Variants in MGAT4C observed in about 807,000 individuals in gnomAD.
MGAT4C encodes alpha-1,3-mannosyl-glycoprotein 4-beta-N-acetylglucosaminyltransferase C.
In MGAT4C, 19 loss-of-function variants were observed where a neutral mutation model predicts 40.1. That is an observed-to-expected ratio of 0.47 (90% CI 0.33 to 0.70). The LOEUF is 0.70. MGAT4C is among the 30% of genes least tolerant of loss of function. The pLI, the probability that MGAT4C is intolerant of heterozygous loss-of-function variation, is 0.02. For synonymous variants in MGAT4C, 181 were observed against 187.1 expected (o/e 0.97, Z 0.27); for missense variants, 491 against 563.2 (o/e 0.87, Z 1.30).
chr12:86,609,253 C>T lies in MGAT4C; in HGVS notation c.-229+117956G>A, dbSNP rs79837621. Among the ~76,000 whole-genome samples, 696 of 152,096 alleles carry T rather than the reference C, an allele frequency of 4.6e-3. 5 individuals are homozygous for T. The highest frequency in any genetic ancestry group is 0.016 in the African/African-American group (673 of 41,498). ...ACTCAGATTATCTACCAAATTGACT[C>T]AGAATAAGGACATGACTGTTTGCAA... On this transcript the variant is annotated intron_variant, in intron 2 of 7. Coordinates refer to the MGAT4C transcript ENST00000548651.
intron 1 of MGAT4C, among the ~76,000 whole-genome samples, chr12:86,195,024 T>C (rs1949747775): frequency 1.3e-5 from 2 of 152,188 alleles, no homozygotes; most frequent in African/African-American, 2.4e-5. Flanking sequence ...AGTGTTAGGC[T>C]CCCCTCTCAG....
Position 85,963,866 on chromosome 12 carries a change from G to T in MGAT4C, c.*15423C>A, listed in dbSNP as rs1307193009. 6.6e-6 allele frequency: 1 copy of T among 151,872 alleles called. No homozygotes were observed. Among genetic ancestry groups the T allele is most frequent in the Non-Finnish European group, 1.5e-5 (1 of 67,886 alleles). 9.4% of individuals were successfully genotyped at this position (151,872 alleles called of 1,614,324 possible). A position where few individuals can be genotyped will look rare whatever the true frequency, so the allele number is the denominator to read the frequency against. On this transcript the variant is annotated 3_prime_UTR_variant, in exon 5 of 5. Transcript: ENST00000611864. ...ATAAGAGAAAGTAGAATGCTTGGGAGGTCATATGTTTCAAATGTATGCATA... is the reference window on the plus strand; with the variant it reads ...ATAAGAGAAAGTAGAATGCTTGGGATGTCATATGTTTCAAATGTATGCATA...
chr12:86,586,439 G>A (rs1283490708), intron 2 of MGAT4C, among the ~76,000 whole-genome samples: 1 of 57,190 alleles, frequency 1.7e-5, no homozygotes, highest in Non-Finnish European at 4.4e-5. Flanking sequence ...ATAGCAGCAT[G>A]ATTTATAGTC....
At position 85,971,142 on chromosome 12, in the gene MGAT4C, T is replaced by C. The variant is rs948909953; in HGVS notation, c.*8147A>G. ...ATTATTCATAAAAAATTAACATTGA[T>C]ATATATATTCATAAGGATAAAAGAT... On this transcript the variant is annotated 3_prime_UTR_variant, in exon 5 of 5. Coordinates refer to ENST00000611864, the MANE Select transcript of MGAT4C (RefSeq NM_001351288.2). The C allele has an allele frequency of 6.6e-6, 1 of 151,242 alleles. No individual in the cohort carries two copies. The highest frequency in any genetic ancestry group is 1.5e-5 in the Non-Finnish European group (1 of 67,388). The allele number at this position is 151,242 out of a possible 1,614,324, so 9.4% of individuals were successfully genotyped here. A position where few individuals can be genotyped will look rare whatever the true frequency, so the allele number is the denominator to read the frequency against.
At chr12:86,254,763 T>G (rs1174853521) in intron 1 of MGAT4C, among the ~76,000 whole-genome samples, 1 of 152,060 alleles carries the variant, frequency 6.6e-6, no homozygotes, top group East Asian at 1.9e-4. Flanking sequence ...ATTGGAAGCT[T>G]TTTGAGGTTT....
intron 3 of MGAT4C, among the ~76,000 whole-genome samples, chr12:86,353,662 G>A (rs78828564): frequency 6.6e-6 from 1 of 152,156 alleles, no homozygotes; most frequent in African/African-American, 2.4e-5. Context: ...AGTGCAACTG[G>A]TAGCAATGAT....
intron 1 of MGAT4C, among the ~76,000 whole-genome samples, chr12:86,185,256 A>G (rs1025859823): frequency 1.3e-5 from 2 of 152,068 alleles, no homozygotes; most frequent in Admixed American, 6.6e-5. Context: ...GTACAGCTTT[A>G]CTTCTTATAT....
chr12:86,335,646 T>G (rs1954768931), intron 3 of MGAT4C, among the ~76,000 whole-genome samples: 1 of 152,108 alleles, frequency 6.6e-6, no homozygotes, highest in Admixed American at 6.6e-5. Flanking sequence ...GGCAAAACTC[T>G]TTATCTGTGG....
intron 4 of MGAT4C, among the ~76,000 whole-genome samples, chr12:86,287,782 C>T (rs938809758): frequency 6.6e-6 from 1 of 152,178 alleles, no homozygotes; most frequent in African/African-American, 2.4e-5. Context: ...TAAATCTTTG[C>T]TATCGTGAGC....
intron 3 of MGAT4C, among the ~76,000 whole-genome samples, chr12:86,421,194 A>T (rs1322591795): frequency 6.6e-6 from 1 of 152,066 alleles, no homozygotes; most frequent in Non-Finnish European, 1.5e-5. Context: ...AAAATTGAGC[A>T]TTTCTATGTA....
intron 1 of MGAT4C, among the ~76,000 whole-genome samples, chr12:86,752,082 A>T (rs1163321036): frequency 6.6e-6 from 1 of 152,028 alleles, no homozygotes; most frequent in Non-Finnish European, 1.5e-5. Flanking sequence ...ACCAGATTGA[A>T]TGAGATAATT....
intron 2 of MGAT4C, among the ~76,000 whole-genome samples, chr12:86,688,159 T>A (rs1950108776): frequency 8.1e-5 from 1 of 12,344 alleles, no homozygotes; most frequent in Admixed American, 1.3e-3. Context: ...AACCCCTGCT[T>A]TTTTTTTTTT....
chr12:86,129,452 CAG>C (rs1430264753), intron 1 of MGAT4C, among the ~76,000 whole-genome samples: 6 of 151,240 alleles, frequency 4.0e-5, no homozygotes, highest in African/African-American at 1.2e-4. Context: ...GAGAGAAAAA[CAG>C]AGAGTTAATT....
chr12:86,782,302 C>T (rs1951860532), intron 1 of MGAT4C, among the ~76,000 whole-genome samples: 1 of 149,964 alleles, frequency 6.7e-6, no homozygotes. Flanking sequence ...CTGCCTCAGC[C>T]TCCCAAGTAG....
intron 3 of MGAT4C, among the ~76,000 whole-genome samples, chr12:86,423,707 A>T (rs1956874869): frequency 6.6e-6 from 1 of 152,206 alleles, no homozygotes; most frequent in Non-Finnish European, 1.5e-5. Flanking sequence ...GATGTGTAAA[A>T]TATCCATTCA....
At chr12:86,169,282 G>T (rs1215168463) in intron 1 of MGAT4C, among the ~76,000 whole-genome samples, 3 of 152,182 alleles carry the variant, frequency 2.0e-5, no homozygotes, top group Admixed American at 6.5e-5. Context: ...TCATAAGTTT[G>T]CCCTTGCCAG....
At chr12:86,690,046 ACAG>A (rs1291592755) in intron 2 of MGAT4C, among the ~76,000 whole-genome samples, 2 of 152,172 alleles carry the variant, frequency 1.3e-5, no homozygotes, top group East Asian at 3.9e-4. Flanking sequence ...CAGTCTGGCT[ACAG>A]CAGCTTTGCC....
intron 2 of MGAT4C, among the ~76,000 whole-genome samples, chr12:86,021,961 T>G (rs1310561671): frequency 1.3e-5 from 2 of 152,214 alleles, no homozygotes; most frequent in African/African-American, 4.8e-5. Flanking sequence ...ATGCATATAT[T>G]AATATATTTT....
intron 2 of MGAT4C, among the ~76,000 whole-genome samples, chr12:86,642,356 G>A (rs1043924881): frequency 6.6e-6 from 1 of 151,710 alleles, no homozygotes; most frequent in Non-Finnish European, 1.5e-5. Flanking sequence ...AACACTTCAT[G>A]GAAAGAAACT....
Sources: gnomAD v4.1 joint callset for allele counts (sites outside exome capture counted in the v4.1 genomes callset) on GRCh38, gnomAD v4.1.1 for gene constraint, MANE v1.5 for transcripts, NCBI Gene and HGNC (gene_info 2026-07-23, HGNC 2026-07-21) for gene names.